SLIT3: variants seen among roughly 807,000 people sequenced by gnomAD.
SLIT3 encodes the protein slit guidance ligand 3, also known as slit homolog 3 protein.
Under a neutral mutation model 184.0 loss-of-function variants are expected in SLIT3, and 68 were observed. The observed-to-expected ratio is 0.37, with a 90% CI of 0.30 to 0.45. SLIT3 has a LOEUF of 0.45. Ranked by LOEUF, SLIT3 falls within the 20% of genes least tolerant of loss-of-function variation. SLIT3 has a pLI of 1.00. For synonymous variants in SLIT3, 831 were observed against 828.6 expected (o/e 1.00, Z -0.05); for missense variants, 1,707 against 2,026.0 (o/e 0.84, Z 3.02).
intron 5 of SLIT3, among the ~76,000 whole-genome samples, chr5:168,868,764 A>G (rs972309121): frequency 3.8e-5 from 4 of 104,428 alleles, no homozygotes; most frequent in Non-Finnish European, 5.5e-5. Context: ...AAAAAAAAAA[A>G]AAGAAAAAGA....
chr5:168,680,924 G>A (rs1305921739), intron 32 of SLIT3, among the ~76,000 whole-genome samples: 2 of 152,196 alleles, frequency 1.3e-5, no homozygotes, highest in East Asian at 1.9e-4. Flanking sequence ...GCCAAGGTGG[G>A]CAGACTGCTT....
At chr5:169,223,186 T>C (rs561633937) in intron 3 of SLIT3, among the ~76,000 whole-genome samples, 9 of 152,272 alleles carry the variant, frequency 5.9e-5, no homozygotes, top group Admixed American at 4.6e-4. Flanking sequence ...TGACATACCA[T>C]GTGCCGGGAT....
chr5:168,762,528 G>T lies in SLIT3; in HGVS notation c.1610+11C>A, dbSNP rs1167800093. On this transcript the variant is annotated intron_variant, in intron 15 of 35. Coordinates refer to ENST00000519560, the MANE Select transcript of SLIT3 (RefSeq NM_003062.4). Reference sequence around the variant, plus strand: ...GGAGGAGTAGGGAGTTCACGCCGAGGTTGGACTTACAGGTCGGTGACATAT... The same window carrying T: ...GGAGGAGTAGGGAGTTCACGCCGAGTTTGGACTTACAGGTCGGTGACATAT... 2.5e-6 allele frequency: 4 copies of T among 1,611,060 alleles called. No individual in the cohort carries two copies. Among genetic ancestry groups the T allele is most frequent in the African/African-American group, 1.3e-5 (1 of 74,994 alleles).
intron 4 of SLIT3, among the ~76,000 whole-genome samples, chr5:169,028,061 A>G (rs1018103441): frequency 5.3e-5 from 8 of 152,284 alleles, no homozygotes; most frequent in African/African-American, 1.9e-4. Flanking sequence ...AGAAACTACG[A>G]TAAGAAAGCA....
At chr5:168,750,747 G>C (rs1180413758) in intron 18 of SLIT3, among the ~76,000 whole-genome samples, 1 of 151,906 alleles carries the variant, frequency 6.6e-6, no homozygotes, top group African/African-American at 2.4e-5. Flanking sequence ...TCGTTCATTC[G>C]ATTCATTCCT....
At chr5:168,947,307 C>A (rs985311493) in intron 4 of SLIT3, among the ~76,000 whole-genome samples, 14 of 152,210 alleles carry the variant, frequency 9.2e-5, no homozygotes, top group African/African-American at 3.4e-4. Context: ...TCACCTTTCC[C>A]TGGCCTGTGG....
rs141503000 is a variant in SLIT3 at position 168,780,157 on chromosome 5, T to C, written c.1151+5750A>G. ...CAATCATTCTGGTGGCGTCCACACT[T>C]GACCAAGGGTCTGTGGAGGACATGG... On this transcript the variant is annotated intron_variant, in intron 12 of 35. Coordinates refer to ENST00000519560, the MANE Select transcript of SLIT3 (RefSeq NM_003062.4). 5.2e-3 allele frequency among the ~76,000 whole-genome samples: 785 copies of C among 152,392 alleles called. 4 individuals carry two copies. Among genetic ancestry groups the C allele is most frequent in the African/African-American group, 0.018 (747 of 41,594 alleles).
chr5:169,099,062 A>G (rs192970937), intron 4 of SLIT3, among the ~76,000 whole-genome samples: 207 of 151,824 alleles, frequency 1.4e-3, no homozygotes, highest in African/African-American at 4.9e-3. Flanking sequence ...CCTTCCAGAA[A>G]TTCCCTTGAG....
At chr5:168,792,465 C>G (rs1756412154) in intron 10 of SLIT3, 1 of 152,190 alleles carries the variant, frequency 6.6e-6, no homozygotes, top group Non-Finnish European at 1.5e-5. Context: ...AGAAAATGGT[C>G]TCAGACCCAC....
chr5:168,938,205 A>G (rs1762220855), intron 4 of SLIT3, among the ~76,000 whole-genome samples: 2 of 152,370 alleles, frequency 1.3e-5, no homozygotes, highest in Middle Eastern at 3.4e-3. Context: ...TATGAGGCAA[A>G]GAACATATTC....
rs575667483 is a variant in SLIT3, at chr5:169,108,861, T to G, written c.413+84618A>C. On this transcript the variant is annotated intron_variant, in intron 4 of 35. Transcript: ENST00000519560. ...AAAACATTGCCTAGCACAGAGTGGG[T>G]ACTCTACGAATCCTGGCTGAGTGAA... 2.0e-5 allele frequency among the ~76,000 whole-genome samples: 3 copies of G among 152,294 alleles called. No individual in the cohort carries two copies. In the East Asian group the frequency reaches 5.8e-4, roughly 29 times the overall value.
At chr5:168,731,148 T>C (rs1763277651) in intron 20 of SLIT3, among the ~76,000 whole-genome samples, 3 of 151,988 alleles carry the variant, frequency 2.0e-5, no homozygotes, top group South Asian at 2.1e-4. Flanking sequence ...CAGACTATTA[T>C]GAACAACTAT....
intron 4 of SLIT3, among the ~76,000 whole-genome samples, chr5:169,188,438 T>C (rs1763433353): frequency 6.6e-6 from 1 of 152,196 alleles, no homozygotes; most frequent in Admixed American, 6.6e-5. Flanking sequence ...CCATAGGCCA[T>C]GCAAGATCAT....
intron 5 of SLIT3, among the ~76,000 whole-genome samples, chr5:168,851,504 T>C (rs1758679439): frequency 6.6e-6 from 1 of 152,142 alleles, no homozygotes. Context: ...GACAGTATCA[T>C]TTGTTTTCCA....
chr5:169,126,322 G>A (rs1479618791), intron 4 of SLIT3, among the ~76,000 whole-genome samples: 1 of 152,210 alleles, frequency 6.6e-6, no homozygotes, highest in East Asian at 1.9e-4. Context: ...GAAAGCAGGA[G>A]AGAGAGAGGA....
chr5:169,275,810 G>T (rs1295714565), intron 1 of SLIT3, among the ~76,000 whole-genome samples: 1 of 152,166 alleles, frequency 6.6e-6, no homozygotes, highest in African/African-American at 2.4e-5. Flanking sequence ...TTGAAGTTGA[G>T]ATTTGAATGG....
intron 14 of SLIT3, among the ~76,000 whole-genome samples, chr5:168,764,603 AT>A (rs1202753890): frequency 2.6e-5 from 4 of 152,026 alleles, no homozygotes; most frequent in Non-Finnish European, 5.9e-5. Flanking sequence ...GCCTTCTGTG[AT>A]TTCCTTGTGG....
intron 30 of SLIT3, among the ~76,000 whole-genome samples, chr5:168,686,435 C>G (rs1268806252): frequency 1.3e-5 from 2 of 152,212 alleles, no homozygotes; most frequent in Non-Finnish European, 2.9e-5. Flanking sequence ...TACCCAACAG[C>G]ATGGTTGAAT....
intron 4 of SLIT3, among the ~76,000 whole-genome samples, chr5:169,161,087 C>G (rs1762462718): frequency 6.6e-6 from 1 of 152,214 alleles, no homozygotes; most frequent in Admixed American, 6.5e-5. Context: ...CCCCACCCAG[C>G]TCTCAGCTCC....
Sources: gnomAD v4.1 joint callset for allele counts (sites outside exome capture counted in the v4.1 genomes callset) on GRCh38, gnomAD v4.1.1 for gene constraint, MANE v1.5 for transcripts, NCBI Gene and HGNC (gene_info 2026-07-23, HGNC 2026-07-21) for gene names.